SLC9D1: variants seen among roughly 807,000 people sequenced by gnomAD.
SLC9D1 encodes the protein putative LAG1-interacting protein.
chr13:113,534,443 C>T, the SLC9D1 span: 1 of 589,552 alleles, frequency 1.7e-6, no homozygotes, highest in African/African-American at 1.9e-5. Flanking sequence ...ACTGGTTTGA[C>T]TCATACTCTT....
chr13:113,547,950 C>G, the SLC9D1 span, among the ~76,000 whole-genome samples: 4 of 146,032 alleles, frequency 2.7e-5, no homozygotes, highest in African/African-American at 9.9e-5. Context: ...GGCCCAGAGA[C>G]ACACATCTCT....
At chr13:113,499,885 T>C in the SLC9D1 span, 23,314 of 844,026 alleles carry the variant, frequency 0.028, 494 homozygotes, top group East Asian at 0.09. Context: ...AACATTCTTC[T>C]GTTTAGCGTT....
At chr13:113,496,055 AGG>A in the SLC9D1 span, 6 of 1,427,942 alleles carry the variant, frequency 4.2e-6, no homozygotes, top group Non-Finnish European at 3.8e-6. Context: ...AGAGAGAGAG[AGG>A]GAGAGGGAGA....
chr13:113,514,403 G>A, the SLC9D1 span: 5 of 152,238 alleles, frequency 3.3e-5, no homozygotes, highest in African/African-American at 1.2e-4. Flanking sequence ...ACTTACGGGA[G>A]AAGAAACCTA....
At chr13:113,501,949 A>G in the SLC9D1 span, 1 of 1,281,192 alleles carries the variant, frequency 7.8e-7, no homozygotes, top group East Asian at 2.3e-5. Flanking sequence ...ATGAAGACTA[A>G]AAAGTATTGA....
chr13:113,496,029 A>T, the SLC9D1 span: 10 of 1,592,880 alleles, frequency 6.3e-6, no homozygotes, highest in Non-Finnish European at 8.6e-6. Context: ...AATAAAGGTC[A>T]GTCCTAGAGA....
the SLC9D1 span, among the ~76,000 whole-genome samples, chr13:113,510,604 C>T: frequency 4.0e-4 from 61 of 152,298 alleles, no homozygotes; most frequent in African/African-American, 1.4e-3. Flanking sequence ...TCCCTGTGAA[C>T]TCAGCTCCTC....
chr13:113,526,514 T>A, the SLC9D1 span, among the ~76,000 whole-genome samples: 1 of 150,898 alleles, frequency 6.6e-6, no homozygotes, highest in Non-Finnish European at 1.5e-5. Flanking sequence ...AGTTTAGGAG[T>A]TCAAGACCAG....
At chr13:113,546,142 G>A in the SLC9D1 span, among the ~76,000 whole-genome samples, 18 of 152,148 alleles carry the variant, frequency 1.2e-4, no homozygotes, top group African/African-American at 1.7e-4. The surrounding 1 kb of genome is among the most constrained non-coding windows in gnomAD (Gnocchi z 7.1). Context: ...CAGTTGTGCC[G>A]GCGTGGACAT....
chr13:113,523,987 A>G, the SLC9D1 span: 1 of 390,638 alleles, frequency 2.6e-6, no homozygotes, highest in Non-Finnish European at 5.2e-6. Context: ...ATTTTGTATG[A>G]TTTCAGTTCT....
At chr13:113,506,364 C>T in the SLC9D1 span, among the ~76,000 whole-genome samples, 1 of 92,540 alleles carries the variant, frequency 1.1e-5, no homozygotes, top group Non-Finnish European at 1.9e-5. Flanking sequence ...GCTGCCTGGC[C>T]TGTGGAGGAA....
chr13:113,544,842 G>A, the SLC9D1 span, among the ~76,000 whole-genome samples: 4 of 152,384 alleles, frequency 2.6e-5, no homozygotes, highest in Admixed American at 2.0e-4. Context: ...GAGCCTGAAC[G>A]TAGGAGTTCG....
the SLC9D1 span, chr13:113,545,734 G>C: frequency 1.3e-5 from 2 of 152,996 alleles, no homozygotes; most frequent in East Asian, 1.9e-4. Flanking sequence ...GCAGCCCAGG[G>C]TTGGGTGGGG....
the SLC9D1 span, among the ~76,000 whole-genome samples, chr13:113,515,890 CAAA>C: frequency 1.5e-4 from 12 of 79,070 alleles, no homozygotes; most frequent in Middle Eastern, 9.3e-3. Flanking sequence ...GACTCCGTCC[CAAA>C]AAAAAAAAAA....
the SLC9D1 span, among the ~76,000 whole-genome samples, chr13:113,501,210 T>C: frequency 6.6e-6 from 1 of 152,310 alleles, no homozygotes; most frequent in African/African-American, 2.4e-5. Flanking sequence ...AAACAAAAAC[T>C]TTGCTGTATA....
the SLC9D1 span, among the ~76,000 whole-genome samples, chr13:113,526,617 G>A: frequency 1.3e-5 from 2 of 152,278 alleles, no homozygotes; most frequent in East Asian, 3.9e-4. Flanking sequence ...TACTCTGGAG[G>A]CGAAGGCTGT....
the SLC9D1 span, chr13:113,505,376 T>TA: frequency 6.6e-6 from 1 of 152,240 alleles, no homozygotes; most frequent in African/African-American, 2.4e-5. Flanking sequence ...CATAAGTTTT[T>TA]AAAAAATTTA....
At chr13:113,510,433 C>T in the SLC9D1 span, 27 of 1,607,624 alleles carry the variant, frequency 1.7e-5, no homozygotes, top group East Asian at 1.6e-4. Context: ...AGGTAGGTGA[C>T]GGCATGTTCT....
chr13:113,510,251 C>T, the SLC9D1 span: 3 of 1,613,914 alleles, frequency 1.9e-6, no homozygotes, highest in East Asian at 4.5e-5. Flanking sequence ...TGGAAGATTT[C>T]CTTACAAGGG....
Sources: allele counts gnomAD v4.1 joint callset (sites outside exome capture counted in the v4.1 genomes callset), GRCh38; gene constraint gnomAD v4.1.1; non-coding constraint Gnocchi (gnomAD v3.1); transcripts MANE v1.5; gene names NCBI Gene and HGNC (gene_info 2026-07-23, HGNC 2026-07-21).